Variants in TRIM48 observed in about 807,000 individuals in gnomAD.
The protein encoded by TRIM48 is E3 ubiquitin-protein ligase TRIM48.
A neutral mutation model predicts 29.5 loss-of-function variants in TRIM48; 31 were observed. That is an observed-to-expected ratio of 1.05 (90% CI 0.79 to 1.42). TRIM48 has a LOEUF of 1.42. Among genes scored for constraint, TRIM48 ranks in the 40% most tolerant of loss-of-function variants. The probability of loss-of-function intolerance (pLI) is 0.00; values close to 1 mark genes in which losing one functional copy is unlikely to be tolerated. For missense variants in TRIM48, 344 were observed against 265.0 expected (o/e 1.30, Z -2.07); for synonymous variants, 128 against 90.6 (o/e 1.41, Z -2.34).
rs1488490699 is a variant in TRIM48 at position 55,265,320 on chromosome 11, T to A, written c.459+6T>A. The A allele has an allele frequency of 6.3e-7, 1 of 1,582,146 alleles. No homozygotes were observed. Among genetic ancestry groups the A allele is most frequent in the Non-Finnish European group, 8.6e-7 (1 of 1,166,034 alleles). Reference sequence around the variant, plus strand: ...GGGCTGCTGAGGAACACTGGGTAAGTGATGCCTCTGAAGATCTATTTCTAT... The same window carrying A: ...GGGCTGCTGAGGAACACTGGGTAAGAGATGCCTCTGAAGATCTATTTCTAT... On this transcript the variant is annotated splice_donor_region_variant and intron_variant, in intron 2 of 5. Transcript: ENST00000417545.
At position 55,262,392 on chromosome 11, in the gene TRIM48, A is replaced by G. The variant is rs1168382410; in HGVS notation, c.44+81A>G. 8.1e-6 allele frequency: 8 copies of G among 985,194 alleles called. No individual in the cohort carries two copies. The East Asian group carries it at 2.1e-4, about 26-fold the overall frequency. The allele number at this position is 985,194 out of a possible 1,614,324, so 61.0% of individuals were successfully genotyped here. A position where few individuals can be genotyped will look rare whatever the true frequency, so the allele number is the denominator to read the frequency against. On this transcript the variant is annotated intron_variant, in intron 1 of 5. Coordinates refer to ENST00000417545, the MANE Select transcript of TRIM48 (RefSeq NM_024114.5). ...ATTAGAGTGTTAAAAATATCTCATT[A>G]TCTTAAATCTACACAATGATACCAT...
intron 3 of TRIM48, among the ~76,000 whole-genome samples, chr11:55,267,201 T>C (rs2120110335): frequency 6.8e-6 from 1 of 147,876 alleles, no homozygotes; most frequent in East Asian, 2.2e-4. Context: ...ACACTCCTTA[T>C]CTTGAATAAA....
At chr11:55,267,340 A>T in intron 3 of TRIM48, 1 of 1,461,958 alleles carries the variant, frequency 6.8e-7, no homozygotes, top group Non-Finnish European at 9.3e-7. Context: ...AGACAAAAGG[A>T]ATCAGTGAGA....
chr11:55,270,381 C>T (rs1464716694), intron 5 of TRIM48, 56 bp from the exon 6 acceptor site: 17 of 1,311,826 alleles, frequency 1.3e-5, no homozygotes, highest in Admixed American at 2.3e-5. Flanking sequence ...TTACACATGC[C>T]TATGCATGTT....
At chr11:55,265,784 T>C (rs574668740) in intron 3 of TRIM48, 89 bp downstream of exon 3, 1 of 1,309,154 alleles carries the variant, frequency 7.6e-7, no homozygotes, top group South Asian at 1.6e-5. Context: ...CAAACCGTAA[T>C]GTTTCTGGGA....
At chr11:55,268,514 G>C (rs1857427911) in intron 4 of TRIM48, 142 bp downstream of exon 4, 2 of 779,178 alleles carry the variant, frequency 2.6e-6, no homozygotes, top group Non-Finnish European at 4.0e-6. Context: ...CACCAGAAAA[G>C]ACAAGACCAC....
At chr11:55,262,615 A>G (rs1857321465) in intron 1 of TRIM48, among the ~76,000 whole-genome samples, 1 of 152,176 alleles carries the variant, frequency 6.6e-6, no homozygotes, top group Non-Finnish European at 1.5e-5. Context: ...GTGTAAATAT[A>G]TGTGTAATGA....
intron 5 of TRIM48, among the ~76,000 whole-genome samples, chr11:55,270,023 A>G (rs1375670744): frequency 6.8e-6 from 1 of 148,058 alleles, no homozygotes; most frequent in Admixed American, 6.8e-5. Flanking sequence ...CCAGTTATCT[A>G]GAGCAGTTCT....
chr11:55,269,269 C>T lies in TRIM48; in HGVS notation c.606C>T (p.Pro202=), dbSNP rs779998425. ...YRSESVLLHM[P]QPLNLALRAG... ...GTGAGTCCGTGCTGCTGCACATGCC[C>T]CAGCCTCTGAATCTAGCGCTCAGGG... is the stretch of plus-strand genomic sequence containing the variant. The change falls in exon 5 of 6, where the codon CCC becomes CCT. Residue 202 remains proline, a synonymous_variant. Transcript: ENST00000417545. 10 of 1,576,172 alleles carry T rather than the reference C, an allele frequency of 6.3e-6. 1 individual carries two copies. The highest frequency in any genetic ancestry group is 1.2e-5 in the South Asian group (1 of 83,674).
chr11:55,262,678 A>G (rs1857322895), intron 1 of TRIM48, among the ~76,000 whole-genome samples: 2 of 152,130 alleles, frequency 1.3e-5, no homozygotes, highest in Admixed American at 1.3e-4. Flanking sequence ...ATGTTCATTC[A>G]TTCATTCAGC....
rs1162533838 is a variant in TRIM48 at position 55,266,576 on chromosome 11, G to T, written c.555+881G>T. Among the ~76,000 whole-genome samples the T allele has an allele frequency of 2.0e-5, 3 of 147,562 alleles. 1 individual carries two copies. Among genetic ancestry groups the T allele is most frequent in the Non-Finnish European group, 4.5e-5 (3 of 66,884 alleles). ...CGAGTGTGGTAAGTTCTTTGTTGGA[G>T]AATAATCAAGCAGGGAAGTAGAAAA... is the stretch of plus-strand genomic sequence containing the variant. On this transcript the variant is annotated intron_variant, in intron 3 of 5. Coordinates refer to ENST00000417545, the MANE Select transcript of TRIM48 (RefSeq NM_024114.5).
intron 1 of TRIM48, among the ~76,000 whole-genome samples, chr11:55,262,544 G>A (rs909237390): frequency 1.3e-5 from 2 of 152,014 alleles, no homozygotes; most frequent in Non-Finnish European, 2.9e-5. Flanking sequence ...TGCTGCAACA[G>A]ATATGTATGC....
In TRIM48 at chr11:55,265,289, C is replaced by A. The variant is rs762171243; in HGVS notation, c.434C>A (p.Ala145Asp). 6.3e-7 allele frequency: 1 copy of A among 1,582,116 alleles called. No homozygotes were observed. The highest frequency in any genetic ancestry group is 8.6e-7 in the Non-Finnish European group (1 of 1,166,030). ...CACCGGTATCACAGACACTGTCCCGCTGAGTGGGCTGCTGAGGAACACTGG... is the reference window on the plus strand; with the variant it reads ...CACCGGTATCACAGACACTGTCCCGATGAGTGGGCTGCTGAGGAACACTGG... Reference protein sequence around the residue: ...QEHRYHRHCPAEWAAEEHWEK... With the variant: ...QEHRYHRHCPDEWAAEEHWEK... Residue 145 changes from alanine to aspartate, a missense_variant, in exon 2 of 6, where the codon GCT becomes GAT. Ala to Asp is a moderately radical substitution (Grantham distance 126, BLOSUM62 -2). Transcript: ENST00000417545.
In TRIM48 at chr11:55,271,082, G is replaced by C; in HGVS notation, c.*647G>C. 1.8e-6 allele frequency: 2 copies of C among 1,113,290 alleles called. No homozygotes were observed. The highest frequency in any genetic ancestry group is 2.5e-6 in the Non-Finnish European group (2 of 808,660). 69.0% of individuals were successfully genotyped at this position (1,113,290 alleles called of 1,614,324 possible). A position where few individuals can be genotyped will look rare whatever the true frequency, so the allele number is the denominator to read the frequency against. On this transcript the variant is annotated 3_prime_UTR_variant, in exon 6 of 6. Coordinates refer to ENST00000417545, the MANE Select transcript of TRIM48 (RefSeq NM_024114.5). The stretch of plus-strand genomic sequence containing the variant: ...CTAATGTTATTAAAACTCATTTATT[G>C]TGTTACTATTAAATGTAGTAAAAAC...
chr11:55,267,424 G>T lies in TRIM48; in HGVS notation c.556-926G>T. ...TACTGCCGTATTATGTGAATGTAAG[G>T]CTAGAAGCTATTAAAGCTGAGTATC... On this transcript the variant is annotated intron_variant, in intron 3 of 5. Coordinates refer to ENST00000417545, the MANE Select transcript of TRIM48 (RefSeq NM_024114.5). 2.5e-6 allele frequency: 4 copies of T among 1,577,800 alleles called. No homozygotes were observed. The Admixed American group carries it at 5.1e-5, about 20-fold the overall frequency.
intron 5 of TRIM48, among the ~76,000 whole-genome samples, chr11:55,270,126 A>C (rs1857458425): frequency 6.7e-6 from 1 of 148,362 alleles, no homozygotes; most frequent in Admixed American, 6.8e-5. Context: ...TGATAACAGC[A>C]TAGCATTTAG....
In TRIM48 at chr11:55,265,067, G is replaced by A. The variant is rs2120103318; in HGVS notation, c.212G>A (p.Cys71Tyr). ...DIPILTQCFE[C>Y]IKTIQQRNLK... ...CCAATTCTTACTCAGTGCTTTGAAT[G>A]CATAAAGACAATACAGCAGAGAAAC... The change falls in exon 2 of 6, where the codon TGC becomes TAC. Residue 71 changes from cysteine to tyrosine, a missense_variant. Cys to Tyr is a radical substitution (Grantham distance 194, BLOSUM62 -2). Transcript: ENST00000417545. 3.2e-6 allele frequency: 5 copies of A among 1,583,736 alleles called. 1 individual carries two copies. Among genetic ancestry groups the A allele is most frequent in the South Asian group, 2.4e-5 (2 of 83,682 alleles).
chr11:55,262,293 C>A lies in TRIM48; in HGVS notation c.26C>A (p.Thr9Asn), dbSNP rs960667279. The change falls in exon 1 of 6, where the codon ACC (threonine) becomes AAC (asparagine). Residue 9 changes from threonine (T) to asparagine (N), a missense_variant. Thr to Asn is a moderately conservative substitution (Grantham distance 65, BLOSUM62 0). Coordinates refer to ENST00000417545, the MANE Select transcript of TRIM48 (RefSeq NM_024114.5). MSRRIIVG[T>N]LQRTQRNMNS... ...ATGTCTCGAAGAATCATTGTGGGAA[C>A]CCTTCAAAGAACCCAGCGGTGAGTG... is the stretch of plus-strand genomic sequence containing the variant. 1.5e-5 allele frequency: 24 copies of A among 1,548,480 alleles called. No homozygotes were observed. Among genetic ancestry groups the A allele is most frequent in the East Asian group, 2.4e-5 (1 of 40,894 alleles).
intron 1 of TRIM48, 24 bp from the exon 2 acceptor site, chr11:55,264,876 G>A (rs533579917): frequency 1.3e-6 from 2 of 1,582,580 alleles, no homozygotes; most frequent in African/African-American, 1.4e-5. Flanking sequence ...ACCCCAAAAT[G>A]ACATGCTGCT....
Sources: gnomAD v4.1 joint callset for allele counts (sites outside exome capture counted in the v4.1 genomes callset) on GRCh38, gnomAD v4.1.1 for gene constraint, MANE v1.5 for transcripts, NCBI Gene and HGNC (gene_info 2026-07-23, HGNC 2026-07-21) for gene names.